Variants in KRT85 observed in about 807,000 individuals in gnomAD.
KRT85 encodes keratin 85, also known as keratin, type II cuticular Hb5.
A neutral mutation model predicts 53.7 loss-of-function variants in KRT85; 39 were observed. The ratio of observed to expected loss-of-function variants is 0.73; its 90% CI spans 0.56 to 0.95. The LOEUF (loss-of-function observed/expected upper bound fraction) is 0.95. KRT85 is among the 40% of genes least tolerant of loss of function. The pLI, the probability that KRT85 is intolerant of heterozygous loss-of-function variation, is 0.00. For missense variants in KRT85, 668 were observed against 686.0 expected (o/e 0.97, Z 0.29); for synonymous variants, 291 against 277.5 (o/e 1.05, Z -0.48).
chr12:52,364,278 C>T (rs775882194), intron 3 of KRT85, 28 bp downstream of exon 3: 1 of 1,614,120 alleles, frequency 6.2e-7, no homozygotes, highest in Non-Finnish European at 8.5e-7. Context: ...TGGGCCCCCT[C>T]CTCCTTGCCC....
chr12:52,361,575 G>A, intron 7 of KRT85, 77 bp from the exon 8 acceptor site: 1 of 1,359,978 alleles, frequency 7.4e-7, no homozygotes, highest in South Asian at 1.2e-5. Context: ...TGGGGACAGA[G>A]AGGGTCATCC....
Position 52,364,378 on chromosome 12 carries a change from A to G in KRT85, c.630-12T>C. 6.2e-7 allele frequency: 1 copy of G among 1,614,104 alleles called. No homozygotes were observed. Among genetic ancestry groups the G allele is most frequent in the Non-Finnish European group, 8.5e-7 (1 of 1,180,030 alleles). On this transcript the variant is annotated splice_polypyrimidine_tract_variant and intron_variant, in intron 2 of 8. Coordinates refer to ENST00000257901, the MANE Select transcript of KRT85 (RefSeq NM_002283.4). ...CCTCCTCTTCATACCTGGGTGTGGG[A>G]GAGAGAAGGTCTGGAGCTGAGAAAC...
intron 1 of KRT85, among the ~76,000 whole-genome samples, chr12:52,366,783 C>A (rs1421192668): frequency 2.6e-5 from 4 of 152,134 alleles, no homozygotes; most frequent in African/African-American, 7.2e-5. Context: ...GGATCACAGG[C>A]TCAATTTCTA....
intron 8 of KRT85, 75 bp downstream of exon 8, chr12:52,361,392 A>C: frequency 1.5e-6 from 2 of 1,373,422 alleles, no homozygotes; most frequent in Non-Finnish European, 2.1e-6. Flanking sequence ...TCGAGGCTCC[A>C]TGGGTTAGGC....
At chr12:52,361,600 A>G in intron 7 of KRT85, 102 bp from the exon 8 acceptor site, 1 of 1,102,178 alleles carries the variant, frequency 9.1e-7, no homozygotes, top group Non-Finnish European at 1.4e-6. Flanking sequence ...TACAGAGTCT[A>G]CCCCTGAAAG....
At chr12:52,366,185 G>A (rs1331382954) in intron 1 of KRT85, among the ~76,000 whole-genome samples, 1 of 152,192 alleles carries the variant, frequency 6.6e-6, no homozygotes, top group Admixed American at 6.5e-5. Context: ...TACCAGCCTG[G>A]CCACCTCCCT....
Position 52,360,858 on chromosome 12 carries a change from C to G in KRT85, c.1519G>C (p.Ala507Pro). 1 of 1,612,256 alleles carries G rather than the reference C, an allele frequency of 6.2e-7. No homozygotes were observed. Among genetic ancestry groups the G allele is most frequent in the Non-Finnish European group, 8.5e-7 (1 of 1,180,024 alleles). ...GCCCTGGCTCCATGACTCTACTAGG[C>G]AAAGCGGACCGACCGGCTACTCCCG... ...SCGSSRSVRF[A>P] is the part of the protein sequence containing the mutation. Residue 507 changes from alanine (A) to proline (P), a missense_variant, in exon 9 of 9, where the codon GCC becomes CCC. Physicochemically the swap from Ala to Pro is conservative, Grantham distance 27 (BLOSUM62 -1). Around this residue, in one of 3 missense-constraint regions of KRT85, gnomAD observed 488 missense variants for 498.1 expected, o/e 0.98. Coordinates refer to ENST00000257901, the MANE Select transcript of KRT85 (RefSeq NM_002283.4).
In KRT85 at chr12:52,363,375, G is replaced by C; in HGVS notation, c.822C>G (p.Thr274=). The C allele has an allele frequency of 6.2e-7, 1 of 1,614,152 alleles. No homozygotes were observed. Among genetic ancestry groups the C allele is most frequent in the African/African-American group, 1.3e-5 (1 of 75,014 alleles). The change falls in exon 5 of 9, where the codon ACC becomes ACG. Residue 274 remains threonine (T), a synonymous_variant. Coordinates refer to ENST00000257901, the MANE Select transcript of KRT85 (RefSeq NM_002283.4). ...IRVLQAHISD[T]SVIVKMDNSR... ...TGTTGTCCATCTTGACTATGACCGA[G>C]GTGTCTGAGATGTGGGCTTGGAGAA...
In KRT85 at chr12:52,361,016, C is replaced by G; in HGVS notation, c.1361G>C (p.Cys454Ser). Reference sequence around the variant, plus strand: ...GGTGGTGCTGTAGGAGAGGCCCCCACAGGAGACTCCACCACGGGAGCTGCT... The same window carrying G: ...GGTGGTGCTGTAGGAGAGGCCCCCAGAGGAGACTCCACCACGGGAGCTGCT... ...CVSSSRGGVS[C>S]GGLSYSTTPG... Residue 454 changes from cysteine (C) to serine (S), a missense_variant, in exon 9 of 9, where the codon TGT becomes TCT. This residue lies in a region of KRT85 where 488 missense variants were observed against 498.1 expected (regional missense o/e 0.98). Transcript: ENST00000257901. The G allele has an allele frequency of 6.2e-7, 1 of 1,613,476 alleles. No homozygotes were observed.
At chr12:52,365,210 G>T (rs2298795) in intron 1 of KRT85, 40 bp from the exon 2 acceptor site, 21 of 1,606,198 alleles carry the variant, frequency 1.3e-5, no homozygotes, top group Non-Finnish European at 1.3e-5. Flanking sequence ...AGGGAGCCTG[G>T]GGGGAGGCAC....
Position 52,365,138 on chromosome 12 carries a change from C to T in KRT85, c.453G>A (p.Leu151=), listed in dbSNP as rs568267676. 5.6e-6 allele frequency: 9 copies of T among 1,614,266 alleles called. No homozygotes were observed. The African/African-American group carries it at 8.0e-5, about 14-fold the overall frequency. Residue 151 remains leucine (L), a synonymous_variant, in exon 2 of 9, where the codon CTG becomes CTA. Transcript: ENST00000257901. ...TCTGGTAGAACTGCCACTTGGTCTC[C>T]AGCAGCTTGTTCTGCTGCTCCAGGA... ...VRFLEQQNKL[L]ETKWQFYQNQ... is the part of the protein sequence containing the mutation.
In KRT85 at chr12:52,360,932, G is replaced by T; in HGVS notation, c.1445C>A (p.Ala482Asp). Reference sequence around the variant, plus strand: ...CTGGCAGGGGGCACAGGAGTCAGGGGCCACCACCGTGATGCTGCCGCCTAT... The same window carrying T: ...CTGGCAGGGGGCACAGGAGTCAGGGTCCACCACCGTGATGCTGCCGCCTAT... Reference protein sequence around the residue: ...SAIGGSITVVAPDSCAPCQPR... With the variant: ...SAIGGSITVVDPDSCAPCQPR... Residue 482 changes from alanine to aspartate, a missense_variant, in exon 9 of 9, where the codon GCC becomes GAC. Physicochemically the swap from Ala to Asp is moderately radical, Grantham distance 126. This residue lies in a region of KRT85 where 488 missense variants were observed against 498.1 expected (regional missense o/e 0.98). Coordinates refer to ENST00000257901, the MANE Select transcript of KRT85 (RefSeq NM_002283.4). 6.2e-7 allele frequency: 1 copy of T among 1,612,776 alleles called. No homozygotes were observed. The highest frequency in any genetic ancestry group is 1.1e-5 in the South Asian group (1 of 91,014).
chr12:52,363,447 C>T, intron 4 of KRT85, 37 bp from the exon 5 acceptor site: 1 of 1,613,404 alleles, frequency 6.2e-7, no homozygotes, highest in Middle Eastern at 1.7e-4. Flanking sequence ...GCTTCTAGTG[C>T]CTGATCTGGG....
At position 52,363,230 on chromosome 12, in the gene KRT85, G is replaced by A. The variant is rs1487484672; in HGVS notation, c.951+16C>T. 1 of 1,614,010 alleles carries A rather than the reference G, an allele frequency of 6.2e-7. No homozygotes were observed. The highest frequency in any genetic ancestry group is 8.5e-7 in the Non-Finnish European group (1 of 1,179,980). On this transcript the variant is annotated intron_variant, in intron 5 of 8. Transcript: ENST00000257901. The stretch of plus-strand genomic sequence containing the variant: ...CCACTGCCATGCTTAGCAGGCAGGT[G>A]TCCTGTGCCACTCACCTTGCTACGG...
rs528220981 is a variant in KRT85 at position 52,362,705 on chromosome 12, A to G, written c.1077+149T>C. 7.8e-5 allele frequency: 106 copies of G among 1,358,088 alleles called. 1 individual carries two copies. In the South Asian group the frequency reaches 1.3e-3, roughly 16 times the overall value. 84.1% of individuals were successfully genotyped at this position (1,358,088 alleles called of 1,614,324 possible). A position where few individuals can be genotyped will look rare whatever the true frequency, so the allele number is the denominator to read the frequency against. On this transcript the variant is annotated intron_variant, in intron 6 of 8. Coordinates refer to ENST00000257901, the MANE Select transcript of KRT85 (RefSeq NM_002283.4). The stretch of plus-strand genomic sequence containing the variant: ...GGGGCTGGATCCTCCTTTGGAAGTC[A>G]GTGACATGGTCTGATTGCTGTGAAA...
At chr12:52,363,792 C>T (rs1257090616) in intron 4 of KRT85, among the ~76,000 whole-genome samples, 1 of 152,148 alleles carries the variant, frequency 6.6e-6, no homozygotes, top group Non-Finnish European at 1.5e-5. Context: ...CTCTCTTGCC[C>T]ATCTGTAGAC....
chr12:52,361,843 T>C (rs1272695704), intron 7 of KRT85, among the ~76,000 whole-genome samples: 1 of 103,332 alleles, frequency 9.7e-6, no homozygotes, highest in Non-Finnish European at 2.0e-5. Flanking sequence ...GCTAAATGCA[T>C]ATAGAAGTGC....
Position 52,360,626 on chromosome 12 carries a change from G to T in KRT85, c.*227C>A. 1.7e-6 allele frequency: 1 copy of T among 598,316 alleles called. No individual in the cohort carries two copies. Among genetic ancestry groups the T allele is most frequent in the Non-Finnish European group, 3.0e-6 (1 of 335,652 alleles). 37.1% of individuals were successfully genotyped at this position (598,316 alleles called of 1,614,324 possible). A position where few individuals can be genotyped will look rare whatever the true frequency, so the allele number is the denominator to read the frequency against. On this transcript the variant is annotated 3_prime_UTR_variant, in exon 9 of 9. Transcript: ENST00000257901. ...CTAAGTAGGAGTTAAGTGAAGGGCT[G>T]GGAATGCCTCTGAAAACAGCTGCCA...
At chr12:52,362,709 A>T (rs551066081) in intron 6 of KRT85, 145 bp downstream of exon 6, 1 of 1,376,168 alleles carries the variant, frequency 7.3e-7, no homozygotes, top group African/African-American at 1.4e-5. Flanking sequence ...GAAGTCAGTG[A>T]CATGGTCTGA....
Sources: allele counts gnomAD v4.1 joint callset (sites outside exome capture counted in the v4.1 genomes callset), GRCh38; gene constraint gnomAD v4.1.1; regional missense constraint gnomAD v4.1.1; transcripts MANE v1.5; gene names NCBI Gene and HGNC (gene_info 2026-07-23, HGNC 2026-07-21).